ZDHHC14: variants seen among roughly 807,000 people sequenced by gnomAD.
ZDHHC14 encodes zDHHC palmitoyltransferase 14, also known as palmitoyltransferase ZDHHC14.
Under a neutral mutation model 47.7 loss-of-function variants are expected in ZDHHC14, and 16 were observed. The observed-to-expected ratio is 0.34, with a 90% CI of 0.23 to 0.51. The LOEUF is 0.51. Ranked by LOEUF, ZDHHC14 falls within the 20% of genes least tolerant of loss-of-function variation. The pLI is 0.97. For missense variants in ZDHHC14, 515 were observed against 662.5 expected (o/e 0.78, Z 2.44); for synonymous variants, 293 against 278.9 (o/e 1.05, Z -0.50).
chr6:157,645,150 C>T (rs1777459710), intron 5 of ZDHHC14, among the ~76,000 whole-genome samples: 2 of 152,044 alleles, frequency 1.3e-5, no homozygotes, highest in Admixed American at 6.6e-5. Flanking sequence ...ATCCCACCGC[C>T]GGTTCAGGGG....
chr6:157,446,214 A>G (rs1276581810), intron 1 of ZDHHC14, among the ~76,000 whole-genome samples: 2 of 151,976 alleles, frequency 1.3e-5, no homozygotes, highest in African/African-American at 2.4e-5. Flanking sequence ...GATTATCTCC[A>G]GACACAAATC....
At chr6:157,556,531 G>A (rs956484584) in intron 2 of ZDHHC14, among the ~76,000 whole-genome samples, 2 of 152,258 alleles carry the variant, frequency 1.3e-5, no homozygotes, top group Non-Finnish European at 2.9e-5. Flanking sequence ...GGTTAAGGCA[G>A]TGCCAGGGGA....
At chr6:157,426,524 G>T (rs1426253981) in intron 1 of ZDHHC14, among the ~76,000 whole-genome samples, 2 of 152,170 alleles carry the variant, frequency 1.3e-5, no homozygotes, top group African/African-American at 4.8e-5. Flanking sequence ...GGCCTACGGG[G>T]CACTCAGGGG....
In ZDHHC14 at chr6:157,623,731, G is replaced by A. The variant is rs539769192; in HGVS notation, c.566-4618G>A. ...CACCCAGCTAATTTTTGTATTTTTA[G>A]TAGAGACGGGGTTTCACCATGTTGG... is the stretch of plus-strand genomic sequence containing the variant. On this transcript the variant is annotated intron_variant, in intron 3 of 8. Coordinates refer to ENST00000359775, the MANE Select transcript of ZDHHC14 (RefSeq NM_024630.3). Among the ~76,000 whole-genome samples the A allele has an allele frequency of 1.8e-3, 274 of 151,794 alleles. 2 individuals carry two copies. The highest frequency in any genetic ancestry group is 0.017 in the Middle Eastern group (5 of 294).
intron 1 of ZDHHC14, among the ~76,000 whole-genome samples, chr6:157,414,513 G>A (rs970340243): frequency 5.9e-5 from 9 of 152,180 alleles, no homozygotes; most frequent in Admixed American, 5.9e-4. Context: ...CTGAGGAAGT[G>A]CTGGTGTTGT....
chr6:157,434,443 G>A (rs368617450), intron 1 of ZDHHC14, among the ~76,000 whole-genome samples: 3 of 152,046 alleles, frequency 2.0e-5, no homozygotes, highest in African/African-American at 4.8e-5. Context: ...GTGGCCCTGC[G>A]TTCTCCTTTG....
intron 1 of ZDHHC14, among the ~76,000 whole-genome samples, chr6:157,480,389 T>C (rs181792962): frequency 0.015 from 2,317 of 150,808 alleles, 31 homozygotes; most frequent in Non-Finnish European, 0.023. Context: ...TGCCTCAGTC[T>C]CCCAAGTAGC....
chr6:157,506,369 C>T (rs1342808431), intron 1 of ZDHHC14, among the ~76,000 whole-genome samples: 1 of 152,186 alleles, frequency 6.6e-6, no homozygotes, highest in Non-Finnish European at 1.5e-5. Flanking sequence ...CTTTCAGATG[C>T]AATATTCTGA....
chr6:157,540,910 GTA>G (rs1554264587), intron 1 of ZDHHC14, among the ~76,000 whole-genome samples: 2,343 of 122,920 alleles, frequency 0.019, 116 homozygotes, highest in African/African-American at 0.084. Flanking sequence ...GTGTGTGTGT[GTA>G]TATATATATA....
At chr6:157,668,829 C>T (rs1778667399) in intron 8 of ZDHHC14, among the ~76,000 whole-genome samples, 1 of 152,234 alleles carries the variant, frequency 6.6e-6, no homozygotes, top group Non-Finnish European at 1.5e-5. Context: ...CCAACAAGGT[C>T]CTGGCCAGTG....
chr6:157,484,328 C>CATTATACGTATATATACACACATATATAT (rs1562443883), intron 1 of ZDHHC14, among the ~76,000 whole-genome samples: 1 of 82,662 alleles, frequency 1.2e-5, no homozygotes, highest in Non-Finnish European at 2.5e-5. Flanking sequence ...CATATATATA[C>CATTATACGTATATATACACACATATATAT]GTATATATAC....
At chr6:157,556,828 G>A (rs898452068) in intron 2 of ZDHHC14, among the ~76,000 whole-genome samples, 2 of 152,196 alleles carry the variant, frequency 1.3e-5, no homozygotes, top group African/African-American at 4.8e-5. Flanking sequence ...GGACAGGCCC[G>A]GGCGGGTTCC....
At chr6:157,428,173 G>A (rs1778260431) in intron 1 of ZDHHC14, among the ~76,000 whole-genome samples, 2 of 152,242 alleles carry the variant, frequency 1.3e-5, no homozygotes, top group South Asian at 4.1e-4. Context: ...CTAAGCCCTG[G>A]CACAGTCATT....
intron 1 of ZDHHC14, among the ~76,000 whole-genome samples, chr6:157,432,194 G>A (rs1778352292): frequency 6.6e-6 from 1 of 152,164 alleles, no homozygotes; most frequent in Non-Finnish European, 1.5e-5. Flanking sequence ...AGGTGCCGTT[G>A]GAGGCTTCAT....
At chr6:157,581,704 T>C (rs1320238753) in intron 2 of ZDHHC14, among the ~76,000 whole-genome samples, 1 of 149,460 alleles carries the variant, frequency 6.7e-6, no homozygotes, top group Non-Finnish European at 1.5e-5. Flanking sequence ...CTCTGTTGGT[T>C]TAAAGTCTGT....
At chr6:157,421,492 C>CAAAAAAAAAAAAAAAAAAAA (rs147380621) in intron 1 of ZDHHC14, among the ~76,000 whole-genome samples, 1 of 56,706 alleles carries the variant, frequency 1.8e-5, no homozygotes, top group Non-Finnish European at 3.0e-5. Flanking sequence ...GACTCCGTCT[C>CAAAAAAAAAAAAAAAAAAAA]AAAAAAAAAA....
At chr6:157,413,042 G>A (rs1309781055) in intron 1 of ZDHHC14, among the ~76,000 whole-genome samples, 3 of 152,200 alleles carry the variant, frequency 2.0e-5, no homozygotes, top group African/African-American at 7.2e-5. Context: ...ATTGAAGGGA[G>A]ACTTCAGGAA....
At chr6:157,570,776 T>C (rs577113283) in intron 2 of ZDHHC14, among the ~76,000 whole-genome samples, 5 of 151,500 alleles carry the variant, frequency 3.3e-5, no homozygotes, top group African/African-American at 1.2e-4. Context: ...CACACATATA[T>C]ATATACACAC....
intron 5 of ZDHHC14, among the ~76,000 whole-genome samples, chr6:157,639,671 G>A (rs1459066940): frequency 1.3e-5 from 2 of 152,178 alleles, no homozygotes; most frequent in East Asian, 1.9e-4. Context: ...GGCCCCCACG[G>A]GGGAAATCGG....
Sources: gnomAD v4.1 joint callset for allele counts (sites outside exome capture counted in the v4.1 genomes callset) on GRCh38, gnomAD v4.1.1 for gene constraint, MANE v1.5 for transcripts, NCBI Gene and HGNC (gene_info 2026-07-23, HGNC 2026-07-21) for gene names.